NPAS3: variants seen among roughly 807,000 people sequenced by gnomAD.
NPAS3 encodes the protein neuronal PAS domain-containing protein 3.
Under a neutral mutation model 73.1 loss-of-function variants are expected in NPAS3, and 14 were observed. The ratio of observed to expected loss-of-function variants is 0.19; its 90% CI spans 0.13 to 0.30. NPAS3 has a LOEUF of 0.30. Ranked by LOEUF, NPAS3 falls within the 10% of genes least tolerant of loss-of-function variation. The probability of loss-of-function intolerance (pLI) is 1.00; values close to 1 mark genes in which losing one functional copy is unlikely to be tolerated. For missense variants in NPAS3, 1,096 were observed against 1,250.0 expected (o/e 0.88, Z 1.86); for synonymous variants, 620 against 541.5 (o/e 1.14, Z -2.01).
chr14:33,223,083 G>A (rs1191648397), intron 3 of NPAS3, among the ~76,000 whole-genome samples: 1 of 152,112 alleles, frequency 6.6e-6, no homozygotes, highest in East Asian at 1.9e-4. Flanking sequence ...GCTGAAGCAG[G>A]TGGATCACCT....
chr14:33,642,807 T>C (rs1465781326), intron 5 of NPAS3, among the ~76,000 whole-genome samples: 1 of 152,178 alleles, frequency 6.6e-6, no homozygotes, highest in Non-Finnish European at 1.5e-5. Flanking sequence ...GTGGTTTTGG[T>C]CTTCTCTCCA....
chr14:33,789,246 G>A (rs1168047498), intron 9 of NPAS3, among the ~76,000 whole-genome samples: 1 of 152,168 alleles, frequency 6.6e-6, no homozygotes. Flanking sequence ...CTCACAAGTG[G>A]AAGGTCACCT....
chr14:33,273,699 A>T (rs1204209492), intron 3 of NPAS3, among the ~76,000 whole-genome samples: 1 of 152,202 alleles, frequency 6.6e-6, no homozygotes, highest in East Asian at 1.9e-4. Flanking sequence ...CTCATTAAAA[A>T]TGATAGATTT....
rs570622274 is a variant in NPAS3, at chr14:33,176,338, A to G, written c.141-38844A>G. Among the ~76,000 whole-genome samples, 4 of 152,184 alleles carry G rather than the reference A, an allele frequency of 2.6e-5. 1 individual carries two copies. Among genetic ancestry groups the G allele is most frequent in the Admixed American group, 2.6e-4 (4 of 15,282 alleles). ...TCAAAAGTTTTCATGACTCCCAAAC[A>G]AACTCTGTACCCATTAAACAATAGC... On this transcript the variant is annotated intron_variant, in intron 2 of 11. Transcript: ENST00000356141.
intron 2 of NPAS3, among the ~76,000 whole-genome samples, chr14:33,081,974 C>T (rs973732076): frequency 6.6e-6 from 1 of 152,172 alleles, no homozygotes; most frequent in Admixed American, 6.5e-5. Flanking sequence ...AATGATTTCT[C>T]TTTAAAGATT....
intron 5 of NPAS3, among the ~76,000 whole-genome samples, chr14:33,671,388 C>T (rs998013943): frequency 1.3e-5 from 2 of 152,072 alleles, no homozygotes; most frequent in Non-Finnish European, 2.9e-5. Context: ...CATTTTTTTC[C>T]AGGAAACTTC....
chr14:33,735,840 G>A (rs147124017), intron 7 of NPAS3, among the ~76,000 whole-genome samples: 7 of 151,912 alleles, frequency 4.6e-5, no homozygotes, highest in African/African-American at 1.4e-4. Flanking sequence ...TTTATGGAAC[G>A]TGCAGTCACA....
chr14:33,526,790 G>A (rs938640290), intron 4 of NPAS3, among the ~76,000 whole-genome samples: 15 of 152,130 alleles, frequency 9.9e-5, no homozygotes, highest in African/African-American at 3.6e-4. Flanking sequence ...TCAGGATGAA[G>A]ACAGCAGCCA....
chr14:33,096,985 T>A (rs1381968822), intron 2 of NPAS3, among the ~76,000 whole-genome samples: 1 of 152,228 alleles, frequency 6.6e-6, no homozygotes, highest in East Asian at 1.9e-4. Context: ...ATGTAATGCC[T>A]GCCTATAGCC....
intron 4 of NPAS3, among the ~76,000 whole-genome samples, chr14:33,492,266 T>G (rs1190212309): frequency 2.0e-5 from 3 of 152,124 alleles, no homozygotes; most frequent in Non-Finnish European, 4.4e-5. Context: ...CTCTGAAAGA[T>G]TTTCATGTTG....
upstream of NPAS3, chr14:32,934,914 G>A (rs2035648604): frequency 9.8e-7 from 1 of 1,022,492 alleles, no homozygotes. The surrounding 1 kb of genome is among the most constrained non-coding windows in gnomAD (Gnocchi z 4.1). Flanking sequence ...CGGCCGCGGG[G>A]GTGCCGGCCG....
intron 5 of NPAS3, among the ~76,000 whole-genome samples, chr14:33,645,081 C>CAA (rs33988299): frequency 3.8e-5 from 4 of 106,524 alleles, no homozygotes; most frequent in East Asian, 2.6e-4. Context: ...AACTCCATCT[C>CAA]AAAAAAAAAA....
At chr14:32,991,912 T>G (rs2038349291) in intron 1 of NPAS3, among the ~76,000 whole-genome samples, 1 of 152,214 alleles carries the variant, frequency 6.6e-6, no homozygotes, top group African/African-American at 2.4e-5. Context: ...GAACTCACAT[T>G]AACTACATTC....
At chr14:33,078,407 C>A (rs1170409466) in intron 2 of NPAS3, among the ~76,000 whole-genome samples, 1 of 151,926 alleles carries the variant, frequency 6.6e-6, no homozygotes, top group Non-Finnish European at 1.5e-5. Flanking sequence ...AAATTGGCTT[C>A]CAAAATATTG....
At chr14:33,668,679 A>C (rs2059525374) in intron 5 of NPAS3, among the ~76,000 whole-genome samples, 1 of 152,120 alleles carries the variant, frequency 6.6e-6, no homozygotes, top group Non-Finnish European at 1.5e-5. Context: ...TTAGCCAGGC[A>C]CAGTGGCTCA....
chr14:33,768,174 A>C (rs1402297934), intron 7 of NPAS3, among the ~76,000 whole-genome samples: 1 of 152,214 alleles, frequency 6.6e-6, no homozygotes, highest in Admixed American at 6.5e-5. Flanking sequence ...ATTCTGCTTC[A>C]CTGTTGCTGG....
At chr14:33,548,208 C>A (rs982132531) in intron 4 of NPAS3, among the ~76,000 whole-genome samples, 1 of 152,128 alleles carries the variant, frequency 6.6e-6, no homozygotes, top group Non-Finnish European at 1.5e-5. Flanking sequence ...ATGGTTGAGG[C>A]CACTTTAGTC....
At chr14:33,692,859 A>T (rs1423427085) in intron 6 of NPAS3, among the ~76,000 whole-genome samples, 1 of 122,550 alleles carries the variant, frequency 8.2e-6, no homozygotes, top group African/African-American at 3.1e-5. Flanking sequence ...AAAAAAAAAA[A>T]AAAAGCCTTG....
intron 1 of NPAS3, among the ~76,000 whole-genome samples, chr14:32,982,607 C>G (rs765687572): frequency 4.6e-5 from 7 of 152,182 alleles, no homozygotes; most frequent in African/African-American, 4.8e-5. Flanking sequence ...AGTCCATGCT[C>G]TTACTTCTGT....
Sources: allele counts gnomAD v4.1 joint callset (sites outside exome capture counted in the v4.1 genomes callset), GRCh38; gene constraint gnomAD v4.1.1; non-coding constraint Gnocchi (gnomAD v3.1); transcripts MANE v1.5; gene names NCBI Gene and HGNC (gene_info 2026-07-23, HGNC 2026-07-21).